MYO7A: variants seen among roughly 807,000 people sequenced by gnomAD.
The protein encoded by MYO7A is myosin VIIA.
In MYO7A, 210 loss-of-function variants were observed where a neutral mutation model predicts 263.8. The observed-to-expected ratio is 0.80, with a 90% CI of 0.71 to 0.89. The LOEUF is 0.89. Ranked by LOEUF, MYO7A falls within the 40% of genes least tolerant of loss-of-function variation. The pLI, the probability that MYO7A is intolerant of heterozygous loss-of-function variation, is 0.00. For synonymous variants in MYO7A, 1,239 were observed against 1,197.3 expected, an observed-to-expected ratio of 1.03 and a Z score of -0.72; for missense variants, 2,820 against 2,968.3, an observed-to-expected ratio of 0.95 and a Z score of 1.16.
At position 77,128,279 on chromosome 11, in the gene MYO7A, G is replaced by A. The variant is rs1950669271; in HGVS notation, c.-257G>A. The A allele has an allele frequency of 1.3e-5, 2 of 152,584 alleles. No homozygotes were observed. Among genetic ancestry groups the A allele is most frequent in the African/African-American group, 4.8e-5 (2 of 41,440 alleles). 9.5% of individuals were successfully genotyped at this position (152,584 alleles called of 1,614,324 possible). A position where few individuals can be genotyped will look rare whatever the true frequency, so the allele number is the denominator to read the frequency against. On this transcript the variant is annotated 5_prime_UTR_variant, in exon 1 of 49. Transcript: ENST00000409709. ...CTGGACAGCTGCTCTGGGCAGGAGA[G>A]AGAGGGAGAGACAAGAGACACACAC...
rs1951037202 is a variant in MYO7A, at chr11:77,138,910, G to T, written c.19-3799G>T. 6.6e-6 allele frequency among the ~76,000 whole-genome samples: 1 copy of T among 152,224 alleles called. No individual in the cohort carries two copies. Among genetic ancestry groups the T allele is most frequent in the Non-Finnish European group, 1.5e-5 (1 of 68,038 alleles). On this transcript the variant is annotated intron_variant, in intron 2 of 48. Transcript: ENST00000409709. This position sits in a 1 kb window ranked among gnomAD's most constrained non-coding sequence, Gnocchi z 4.9. ...AGAGTGATCATGAAGATAACGAGCGGCAAAATGTCCTGAAACAGATTCCTT... is the reference window on the plus strand; with the variant it reads ...AGAGTGATCATGAAGATAACGAGCGTCAAAATGTCCTGAAACAGATTCCTT...
Position 77,182,589 on chromosome 11 carries a change from G to A in MYO7A, c.3274G>A (p.Gly1092Ser). Reference protein sequence around the residue: ...TYKRELQALQGEGEAQLPEGQ... With the variant: ...TYKRELQALQSEGEAQLPEGQ... ...CAAGAGGGAGCTGCAGGCCCTGCAG[G>A]GCGAGGGCGAGGTGAGGCCAAGGTG... Residue 1092 changes from glycine (G) to serine (S), a missense_variant, in exon 25 of 49, where the codon GGC becomes AGC. Physicochemically the swap from Gly to Ser is moderately conservative, Grantham distance 56. Transcript: ENST00000409709. The A allele has an allele frequency of 6.2e-7, 1 of 1,612,778 alleles. No homozygotes were observed. Among genetic ancestry groups the A allele is most frequent in the Admixed American group, 1.7e-5 (1 of 60,018 alleles).
In MYO7A at chr11:77,197,687, T is replaced by C. The variant is rs11237115; in HGVS notation, c.4441+89T>C. ...TTCTCAGGTACCCCGCAGCCTGCAA[T>C]GCTCCCAGTCCCTTGCTCTGTAGCT... On this transcript the variant is annotated intron_variant, in intron 33 of 48. Transcript: ENST00000409709. The C allele has an allele frequency of 0.09, 17,810 of 198,402 alleles. 2,232 individuals are homozygous for C. The highest frequency in any genetic ancestry group is 0.095 in the Non-Finnish European group (10,373 of 108,772). 12.3% of individuals were successfully genotyped at this position (198,402 alleles called of 1,614,324 possible). A position where few individuals can be genotyped will look rare whatever the true frequency, so the allele number is the denominator to read the frequency against.
Position 77,162,975 on chromosome 11 carries a change from CTAT to C in MYO7A, c.1678_1680del (p.Tyr560del). ...TCAACCATTTTGCAGGCATCGTCTA[CTAT>C]GAGACCCAAGGTACAGAGGGCTGCC... On this transcript the variant is annotated inframe_deletion, in exon 14 of 49. Coordinates refer to ENST00000409709, the MANE Select transcript of MYO7A (RefSeq NM_000260.4). The C allele has an allele frequency of 6.2e-7, 1 of 1,613,922 alleles. No homozygotes were observed. The highest frequency in any genetic ancestry group is 8.5e-7 in the Non-Finnish European group (1 of 1,179,864).
chr11:77,144,692 C>T (rs1316285351), intron 3 of MYO7A, among the ~76,000 whole-genome samples: 2 of 152,168 alleles, frequency 1.3e-5, no homozygotes, highest in East Asian at 3.9e-4. Flanking sequence ...AGGGAACAGG[C>T]CAGTCCCATC....
chr11:77,186,047 C>T (rs1232197253), intron 27 of MYO7A, among the ~76,000 whole-genome samples: 1 of 151,860 alleles, frequency 6.6e-6, no homozygotes, highest in Admixed American at 6.6e-5. Flanking sequence ...CTCAGCCTCC[C>T]GAGTGGCTGG....
intron 11 of MYO7A, 90 bp downstream of exon 11, chr11:77,160,372 G>A: frequency 6.7e-7 from 1 of 1,482,592 alleles, no homozygotes; most frequent in Non-Finnish European, 9.0e-7. Flanking sequence ...CTGGGAGGTG[G>A]GTAGACATCT....
rs746667217 is a variant in MYO7A, at chr11:77,205,503, C to T, written c.5522C>T (p.Thr1841Met). Residue 1841 changes from threonine to methionine, a missense_variant, in exon 40 of 49, where the codon ACG (threonine) becomes ATG (methionine). By Grantham distance (81) the Thr-to-Met change is moderately conservative. Coordinates refer to ENST00000409709, the MANE Select transcript of MYO7A (RefSeq NM_000260.4). ...GGTTGGGAGCTGCTCTGGCTGTGCA[C>T]GGGCCTTTTCCCACCCAGCAACATC... ...ERGWELLWLC[T>M]GLFPPSNILL... 28 of 1,596,326 alleles carry T rather than the reference C, an allele frequency of 1.8e-5. No individual in the cohort carries two copies. The highest frequency in any genetic ancestry group is 1.2e-4 in the Admixed American group (7 of 57,600).
chr11:77,198,872 T>C (rs1956870605), intron 34 of MYO7A, among the ~76,000 whole-genome samples: 1 of 152,196 alleles, frequency 6.6e-6, no homozygotes, highest in African/African-American at 2.4e-5. Context: ...GGTGAGTGTG[T>C]ACAAAAGAGC....
At chr11:77,165,393 C>T (rs1215875160) in intron 14 of MYO7A, among the ~76,000 whole-genome samples, 2 of 152,186 alleles carry the variant, frequency 1.3e-5, no homozygotes, top group Non-Finnish European at 2.9e-5. Context: ...CCTCTGGGGT[C>T]TGTGTGGTGC....
At chr11:77,181,255 C>G in intron 22 of MYO7A, 125 bp from the exon 23 acceptor site, 1 of 821,750 alleles carries the variant, frequency 1.2e-6, no homozygotes, top group South Asian at 1.8e-5. Flanking sequence ...TCCATTCTTC[C>G]CAGCGGTCAG....
Position 77,172,671 on chromosome 11 carries a change from G to A in MYO7A, c.1798-77G>A, listed in dbSNP as rs374971551. On this transcript the variant is annotated intron_variant, in intron 15 of 48. Transcript: ENST00000409709. ...CCTGACCCCGCTGACCTCCCCTCCC[G>A]CTTCCTACTGGGCGGCTCCTGGGAC... is the stretch of plus-strand genomic sequence containing the variant. 2.4e-4 allele frequency: 362 copies of A among 1,530,692 alleles called. 3 individuals carry two copies. Among genetic ancestry groups the A allele is most frequent in the East Asian group, 1.8e-3 (74 of 40,678 alleles). The allele number at this position is 1,530,692 out of a possible 1,614,324, so 94.8% of individuals were successfully genotyped here.
intron 3 of MYO7A, among the ~76,000 whole-genome samples, chr11:77,146,506 A>C (rs570718039): frequency 6.6e-6 from 1 of 152,250 alleles, no homozygotes; most frequent in African/African-American, 2.4e-5. Flanking sequence ...GGTACTGCCC[A>C]CTCAGCAGCC....
At chr11:77,163,647 G>A (rs1190976003) in intron 14 of MYO7A, among the ~76,000 whole-genome samples, 3 of 152,202 alleles carry the variant, frequency 2.0e-5, no homozygotes, top group Non-Finnish European at 4.4e-5. Flanking sequence ...AGTTGGCTGA[G>A]ATGTCATTCT....
chr11:77,197,408 C>T, intron 32 of MYO7A, 73 bp from the exon 33 acceptor site: 1 of 1,210,574 alleles, frequency 8.3e-7, no homozygotes, highest in Non-Finnish European at 1.2e-6. Flanking sequence ...GGCTAGAAGG[C>T]AGCAGCAGCT....
At chr11:77,132,263 TG>T (rs1321046266) in intron 2 of MYO7A, among the ~76,000 whole-genome samples, 1 of 152,260 alleles carries the variant, frequency 6.6e-6, no homozygotes, top group East Asian at 1.9e-4. Context: ...CTCCTTTCTC[TG>T]CCTACCTGGG....
In MYO7A at chr11:77,179,110, G is replaced by A. The variant is rs376014415; in HGVS notation, c.2348G>A (p.Cys783Tyr). The change falls in exon 20 of 49, where the codon TGT (cysteine) becomes TAT (tyrosine). Residue 783 changes from cysteine (C) to tyrosine (Y), a missense_variant. Physicochemically the swap from Cys to Tyr is radical, Grantham distance 194. Coordinates refer to ENST00000409709, the MANE Select transcript of MYO7A (RefSeq NM_000260.4). ...LIQRHWRGHN[C>Y]RKNYGLMRLG... is the part of the protein sequence containing the mutation. ...CAGAGGCACTGGCGGGGTCACAACT[G>A]TAGGAAGAACTACGGGCTGGTGAGC... 27 of 1,604,150 alleles carry A rather than the reference G, an allele frequency of 1.7e-5. No individual in the cohort carries two copies. The highest frequency in any genetic ancestry group is 2.1e-5 in the Non-Finnish European group (25 of 1,175,794).
At chr11:77,158,451 C>T (rs1555066052) in intron 9 of MYO7A, 21 bp downstream of exon 9, 1 of 1,606,342 alleles carries the variant, frequency 6.2e-7, no homozygotes, top group Non-Finnish European at 8.5e-7. Context: ...GCCACACTCG[C>T]CCTGCCCCAC....
Position 77,158,335 on chromosome 11 carries a change from C to G in MYO7A, c.908C>G (p.Ser303Cys). ...VDSQEYANIR[S>C]AMKVLMFTDT... ...AGCCAGGAGTACGCCAACATCCGCTCCGCCATGAAGGTGCTCATGTTCACT... is the reference window on the plus strand; with the variant it reads ...AGCCAGGAGTACGCCAACATCCGCTGCGCCATGAAGGTGCTCATGTTCACT... Residue 303 changes from serine (S) to cysteine (C), a missense_variant, in exon 9 of 49, where the codon TCC becomes TGC. Physicochemically the swap from Ser to Cys is moderately radical, Grantham distance 112. Transcript: ENST00000409709. The G allele has an allele frequency of 3.1e-6, 5 of 1,613,384 alleles. No homozygotes were observed. The highest frequency in any genetic ancestry group is 3.4e-6 in the Non-Finnish European group (4 of 1,179,648).
Sources: allele counts gnomAD v4.1 joint callset (sites outside exome capture counted in the v4.1 genomes callset), GRCh38; gene constraint gnomAD v4.1.1; non-coding constraint Gnocchi (gnomAD v3.1); transcripts MANE v1.5; gene names NCBI Gene and HGNC (gene_info 2026-07-23, HGNC 2026-07-21).